The following ROCK2 variants were observed in gnomAD, a reference collection of about 807,000 sequenced individuals.
ROCK2 encodes rho-associated protein kinase 2.
A neutral mutation model predicts 195.1 loss-of-function variants in ROCK2; 61 were observed. The observed-to-expected ratio is 0.31, with a 90% CI of 0.25 to 0.39. The LOEUF (loss-of-function observed/expected upper bound fraction) is 0.39. Ranked by LOEUF, ROCK2 falls within the 10% of genes least tolerant of loss-of-function variation. The pLI, the probability that ROCK2 is intolerant of heterozygous loss-of-function variation, is 1.00. For missense variants in ROCK2, 1,109 were observed against 1,637.4 expected, an observed-to-expected ratio of 0.68 and a Z score of 5.57; for synonymous variants, 504 against 545.5, an observed-to-expected ratio of 0.92 and a Z score of 1.06.
intron 1 of ROCK2, among the ~76,000 whole-genome samples, chr2:11,318,195 T>C (rs1212116700): frequency 6.6e-6 from 1 of 152,210 alleles, no homozygotes; most frequent in Non-Finnish European, 1.5e-5. Context: ...CACACTGTCT[T>C]CCACAATGGT....
intron 4 of ROCK2, among the ~76,000 whole-genome samples, chr2:11,246,930 T>G (rs1243639941): frequency 6.6e-6 from 1 of 152,172 alleles, no homozygotes; most frequent in Non-Finnish European, 1.5e-5. Flanking sequence ...CATTATTCAT[T>G]ATAGTCAAAA....
intron 3 of ROCK2, among the ~76,000 whole-genome samples, chr2:11,263,292 T>C (rs1359872888): frequency 6.6e-6 from 1 of 152,178 alleles, no homozygotes; most frequent in African/African-American, 2.4e-5. Flanking sequence ...AATTCTTCAA[T>C]GAAAACTTTC....
At chr2:11,302,296 T>C (rs888238209) in intron 1 of ROCK2, among the ~76,000 whole-genome samples, 3 of 151,288 alleles carry the variant, frequency 2.0e-5, no homozygotes, top group Admixed American at 1.3e-4. Flanking sequence ...TTCAAATTTG[T>C]TGGGGTGGGG....
chr2:11,233,269 T>G (rs931181372), intron 5 of ROCK2, among the ~76,000 whole-genome samples: 2 of 152,196 alleles, frequency 1.3e-5, no homozygotes, highest in Non-Finnish European at 2.9e-5. Context: ...ATTTTTTTCT[T>G]GGCAACCTTA....
Position 11,197,027 on chromosome 2 carries a change from T to C in ROCK2, c.3448+153A>G, listed in dbSNP as rs1281007766. 2.0e-5 allele frequency among the ~76,000 whole-genome samples: 3 copies of C among 152,214 alleles called. No individual in the cohort carries two copies. The highest frequency in any genetic ancestry group is 7.2e-5 in the African/African-American group (3 of 41,454). On this transcript the variant is annotated intron_variant, in intron 27 of 32. Coordinates refer to ENST00000315872, the MANE Select transcript of ROCK2 (RefSeq NM_004850.5). The surrounding 1 kb of genome is among the most constrained non-coding windows in gnomAD (Gnocchi z 4.9). The stretch of plus-strand genomic sequence containing the variant: ...AAAAAAAATCAATAAATAAAATAAG[T>C]TTGAAATGTTACTTGAATCCTTACT...
At chr2:11,240,630 T>C (rs561916234) in intron 4 of ROCK2, among the ~76,000 whole-genome samples, 4 of 152,320 alleles carry the variant, frequency 2.6e-5, no homozygotes, top group South Asian at 4.1e-4. Context: ...GGAAATGTCA[T>C]TGAAGGGTAC....
chr2:11,306,473 T>A (rs748934617), intron 1 of ROCK2, among the ~76,000 whole-genome samples: 19 of 152,232 alleles, frequency 1.2e-4, no homozygotes, highest in Non-Finnish European at 2.6e-4. Context: ...TAGCTCCTTA[T>A]TAAAATGCAA....
At chr2:11,339,365 TATA>T (rs1314545484) in intron 1 of ROCK2, among the ~76,000 whole-genome samples, 1 of 152,138 alleles carries the variant, frequency 6.6e-6, no homozygotes, top group Non-Finnish European at 1.5e-5. Context: ...CGAAATTTTC[TATA>T]ATAACATCAT....
rs190537772 is a variant in ROCK2 at position 11,343,939 on chromosome 2, A to T, written c.141+57T>A. 7.8e-4 allele frequency: 1,208 copies of T among 1,545,910 alleles called. 12 individuals are homozygous for T. The African/African-American group carries it at 0.014, about 18-fold the overall frequency. On this transcript the variant is annotated intron_variant, in intron 1 of 32. Coordinates refer to ENST00000315872, the MANE Select transcript of ROCK2 (RefSeq NM_004850.5). ...CGGACGGGCACGGAGGGCTGGGCGG[A>T]GAGGGGATCTGAGGTGTGAGCTGCA... is the stretch of plus-strand genomic sequence containing the variant.
chr2:11,194,226 G>T, intron 29 of ROCK2, 30 bp downstream of exon 29: 1 of 982,628 alleles, frequency 1.0e-6, no homozygotes. Context: ...AAAAGATATA[G>T]TTTCTAAATA....
At chr2:11,264,619 G>C (rs1449578807) in intron 3 of ROCK2, among the ~76,000 whole-genome samples, 1 of 152,150 alleles carries the variant, frequency 6.6e-6, no homozygotes, top group African/African-American at 2.4e-5. Context: ...GAGCAAAGTA[G>C]AAAGTTCCGA....
chr2:11,329,958 T>C (rs1668667609), intron 1 of ROCK2, among the ~76,000 whole-genome samples: 1 of 152,216 alleles, frequency 6.6e-6, no homozygotes, highest in Non-Finnish European at 1.5e-5. Flanking sequence ...GAACATGTCA[T>C]AACTGACTCA....
At position 11,234,918 on chromosome 2, in the gene ROCK2, T is replaced by C. The variant is rs555935069; in HGVS notation, c.723+784A>G. Among the ~76,000 whole-genome samples, 25 of 152,184 alleles carry C rather than the reference T, an allele frequency of 1.6e-4. No individual in the cohort carries two copies. The South Asian group carries it at 4.8e-3, about 29-fold the overall frequency. On this transcript the variant is annotated intron_variant, in intron 5 of 32. Transcript: ENST00000315872. ...CAAAATAAACATTTGACTAGGTAAC[T>C]ACCAAGAAATAAGATTGGCTTTATA... is the stretch of plus-strand genomic sequence containing the variant.
At chr2:11,263,813 T>C (rs1213965062) in intron 3 of ROCK2, among the ~76,000 whole-genome samples, 2 of 151,504 alleles carry the variant, frequency 1.3e-5, no homozygotes, top group Admixed American at 1.3e-4. Flanking sequence ...GAAGTTTTCA[T>C]AGTTCATTTG....
At chr2:11,202,529 A>G (rs1663896999) in intron 20 of ROCK2, among the ~76,000 whole-genome samples, 1 of 151,500 alleles carries the variant, frequency 6.6e-6, no homozygotes, top group African/African-American at 2.4e-5. Context: ...ACGGAGTCTC[A>G]CTCTGTCGCC....
chr2:11,198,649 A>G lies in ROCK2; in HGVS notation c.3004+32T>C, dbSNP rs751817085. The G allele has an allele frequency of 3.2e-6, 5 of 1,572,284 alleles. No homozygotes were observed. The Admixed American group carries it at 8.7e-5, about 27-fold the overall frequency. On this transcript the variant is annotated intron_variant, in intron 24 of 32. Transcript: ENST00000315872. ...ACAGCAGCTGATAAACATTAGGTAT[A>G]TTAAAAATAAACATTTTTTGTTAAT...
chr2:11,191,100 T>C (rs1052729671), intron 32 of ROCK2, among the ~76,000 whole-genome samples: 2 of 152,188 alleles, frequency 1.3e-5, no homozygotes, highest in African/African-American at 2.4e-5. Flanking sequence ...GCTATCAATA[T>C]TCATATACTG....
At chr2:11,314,571 C>A (rs1445234888) in intron 1 of ROCK2, among the ~76,000 whole-genome samples, 1 of 151,964 alleles carries the variant, frequency 6.6e-6, no homozygotes, top group Non-Finnish European at 1.5e-5. Context: ...CTATACATAT[C>A]CTCAAATTTG....
chr2:11,336,730 T>C (rs1444252029), intron 1 of ROCK2, among the ~76,000 whole-genome samples: 3 of 152,170 alleles, frequency 2.0e-5, no homozygotes, highest in Non-Finnish European at 4.4e-5. Context: ...TGGTGCAGGA[T>C]AGTCTGGATA....
Sources: allele counts gnomAD v4.1 joint callset (sites outside exome capture counted in the v4.1 genomes callset), GRCh38; gene constraint gnomAD v4.1.1; non-coding constraint Gnocchi (gnomAD v3.1); transcripts MANE v1.5; gene names NCBI Gene and HGNC (gene_info 2026-07-23, HGNC 2026-07-21).